STPG2: variants seen among roughly 807,000 people sequenced by gnomAD.
STPG2 encodes sperm tail PG-rich repeat containing 2.
Under a neutral mutation model 54.2 loss-of-function variants are expected in STPG2, and 56 were observed. That is an observed-to-expected ratio of 1.03 (90% CI 0.83 to 1.29). The LOEUF is 1.29. Among genes scored for constraint, STPG2 ranks in the 50% most tolerant of loss-of-function variants. STPG2 has a pLI of 0.00. For missense variants in STPG2, 596 were observed against 544.9 expected, an observed-to-expected ratio of 1.09 and a Z score of -0.93; for synonymous variants, 200 against 181.8, an observed-to-expected ratio of 1.10 and a Z score of -0.81.
intron 10 of STPG2, among the ~76,000 whole-genome samples, chr4:97,689,569 G>GACTATTAAATGGTGCATTTT (rs1723300867): frequency 2.0e-5 from 3 of 152,028 alleles, no homozygotes; most frequent in African/African-American, 7.2e-5. Flanking sequence ...TGGTGCATTT[G>GACTATTAAATGGTGCATTTT]CTAGAAAAGT....
At chr4:97,510,461 C>A (rs1730948360) in intron 4 of STPG2, among the ~76,000 whole-genome samples, 1 of 151,940 alleles carries the variant, frequency 6.6e-6, no homozygotes, top group African/African-American at 2.4e-5. Flanking sequence ...AACTGCAAAT[C>A]ATTGATTCAT....
At chr4:98,090,707 T>C (rs1396963579) in intron 5 of STPG2, among the ~76,000 whole-genome samples, 1 of 152,108 alleles carries the variant, frequency 6.6e-6, no homozygotes, top group East Asian at 1.9e-4. Flanking sequence ...ATGTTTCCTT[T>C]TGTTTGTGTC....
chr4:97,732,879 A>G (rs1186734795), intron 9 of STPG2, among the ~76,000 whole-genome samples: 4 of 152,218 alleles, frequency 2.6e-5, no homozygotes, highest in African/African-American at 9.6e-5. Context: ...TACAACCACA[A>G]TGAGATACTA....
intron 10 of STPG2, among the ~76,000 whole-genome samples, chr4:97,686,969 C>G: frequency 6.8e-6 from 1 of 147,312 alleles, no homozygotes; most frequent in African/African-American, 2.5e-5. Context: ...GAGAGTGAGT[C>G]TCGCTCTGTC....
chr4:97,477,694 G>A (rs147674073), intron 4 of STPG2, among the ~76,000 whole-genome samples: 3,215 of 149,932 alleles, frequency 0.021, 101 homozygotes, highest in African/African-American at 0.075. Context: ...GTTTCACCAT[G>A]TTAGCCACGA....
At chr4:97,476,954 G>A (rs1730087392) in intron 4 of STPG2, among the ~76,000 whole-genome samples, 1 of 152,162 alleles carries the variant, frequency 6.6e-6, no homozygotes, top group Non-Finnish European at 1.5e-5. Context: ...CAAAAAGACA[G>A]TTGGATAATT....
chr4:97,844,028 T>C (rs1409484327), intron 8 of STPG2, among the ~76,000 whole-genome samples: 2 of 151,826 alleles, frequency 1.3e-5, no homozygotes, highest in East Asian at 1.9e-4. Context: ...TCAGGAGGTA[T>C]GAAACCTCCT....
At chr4:97,666,305 G>T (rs1003902945) in intron 10 of STPG2, among the ~76,000 whole-genome samples, 13 of 152,098 alleles carry the variant, frequency 8.5e-5, no homozygotes, top group Admixed American at 8.5e-4. Context: ...TCTCTAGATG[G>T]GATGCCTACC....
intron 4 of STPG2, among the ~76,000 whole-genome samples, chr4:97,509,459 A>C (rs1489750007): frequency 6.6e-6 from 1 of 152,142 alleles, no homozygotes; most frequent in Non-Finnish European, 1.5e-5. Flanking sequence ...ATAAACCATA[A>C]AGAACAGTGA....
intron 9 of STPG2, among the ~76,000 whole-genome samples, chr4:97,797,099 G>C (rs1727213406): frequency 6.6e-6 from 1 of 152,148 alleles, no homozygotes. Context: ...TGAGACAATG[G>C]GGTTTTCTAC....
chr4:97,834,216 GA>G (rs757935813), intron 9 of STPG2, among the ~76,000 whole-genome samples: 79 of 152,234 alleles, frequency 5.2e-4, no homozygotes, highest in Middle Eastern at 3.4e-3. Flanking sequence ...CAGGGACATG[GA>G]TGAAGCTGGA....
At chr4:97,980,887 G>GA (rs576256070) in intron 6 of STPG2, among the ~76,000 whole-genome samples, 90 of 151,756 alleles carry the variant, frequency 5.9e-4, no homozygotes, top group African/African-American at 2.0e-3. Context: ...CATCTGCCAA[G>GA]AAAAAAATCA....
rs552022770 is a variant in STPG2 at position 97,866,593 on chromosome 4, T to C, written c.1045-25661A>G. 1.7e-3 allele frequency among the ~76,000 whole-genome samples: 264 copies of C among 152,068 alleles called. 2 individuals carry two copies. The highest frequency in any genetic ancestry group is 2.4e-3 in the Non-Finnish European group (166 of 67,950). On this transcript the variant is annotated intron_variant, in intron 8 of 10. Coordinates refer to ENST00000295268, the MANE Select transcript of STPG2 (RefSeq NM_174952.3). ...TCATTGTCTTCTGGCTTGTTTTTGG[T>C]ACTGCAAATTGTGATGTTGAGCTAA...
intron 4 of STPG2, among the ~76,000 whole-genome samples, chr4:97,532,539 A>G (rs1424245397): frequency 6.6e-6 from 1 of 152,168 alleles, no homozygotes; most frequent in African/African-American, 2.4e-5. Context: ...CCCAAATAAG[A>G]ATTTGCTTTC....
intron 10 of STPG2, among the ~76,000 whole-genome samples, chr4:97,647,574 T>G (rs1274021538): frequency 6.6e-6 from 1 of 152,048 alleles, no homozygotes; most frequent in Non-Finnish European, 1.5e-5. Context: ...TATCTTCCAG[T>G]TTGCTCCATT....
intron 8 of STPG2, among the ~76,000 whole-genome samples, chr4:97,859,281 T>G (rs1729431313): frequency 6.6e-6 from 1 of 152,168 alleles, no homozygotes; most frequent in Non-Finnish European, 1.5e-5. Context: ...TTGAGTTACC[T>G]GTAGATTCTT....
chr4:97,998,937 C>T (rs373160602), intron 5 of STPG2, among the ~76,000 whole-genome samples: 2 of 152,144 alleles, frequency 1.3e-5, no homozygotes, highest in Non-Finnish European at 2.9e-5. Flanking sequence ...AAAAAGTTCA[C>T]GCTGGCCTCT....
In STPG2 at chr4:97,603,221, A is replaced by G. The variant is rs568847023; in HGVS notation, c.1321-44104T>C. Among the ~76,000 whole-genome samples, 627 of 151,836 alleles carry G rather than the reference A, an allele frequency of 4.1e-3. 3 individuals carry two copies. Among genetic ancestry groups the G allele is most frequent in the South Asian group, 0.02 (98 of 4,816 alleles). On this transcript the variant is annotated intron_variant, in intron 10 of 10. Coordinates refer to ENST00000295268, the MANE Select transcript of STPG2 (RefSeq NM_174952.3). Reference sequence around the variant, plus strand: ...CAACAAACACACAAAAAGATGCTCAATATTACATATCAGGGAAATACACAT... The same window carrying G: ...CAACAAACACACAAAAAGATGCTCAGTATTACATATCAGGGAAATACACAT...
intron 10 of STPG2, among the ~76,000 whole-genome samples, chr4:97,578,443 G>A (rs192719178): frequency 1.2e-4 from 19 of 152,204 alleles, no homozygotes; most frequent in African/African-American, 4.6e-4. Flanking sequence ...AATTGCATCT[G>A]AAGAAGGGAG....
Sources: gnomAD v4.1 joint callset for allele counts (sites outside exome capture counted in the v4.1 genomes callset) on GRCh38, gnomAD v4.1.1 for gene constraint, MANE v1.5 for transcripts, NCBI Gene and HGNC (gene_info 2026-07-23, HGNC 2026-07-21) for gene names.